The following TXNRD3 variants were observed in gnomAD, a reference collection of about 807,000 sequenced individuals.
The protein encoded by TXNRD3 is thioredoxin reductase 3, also known as TXNRD3 neighbor gene protein.
TXNRD3 carries 68 observed loss-of-function variants against 78.2 expected under a neutral mutation model. The ratio of observed to expected loss-of-function variants is 0.87; its 90% CI spans 0.72 to 1.06. TXNRD3 has a LOEUF of 1.06. Among genes scored for constraint, TXNRD3 ranks in the 50% least tolerant of loss-of-function variants. The pLI is 0.00. For missense variants in TXNRD3, 751 were observed against 809.5 expected, an observed-to-expected ratio of 0.93 and a Z score of 0.88; for synonymous variants, 296 against 300.1, an observed-to-expected ratio of 0.99 and a Z score of 0.14.
At chr3:126,613,577 A>G (rs1318749537) in intron 13 of TXNRD3, among the ~76,000 whole-genome samples, 9 of 152,232 alleles carry the variant, frequency 5.9e-5, no homozygotes. Context: ...CATGTGTTGC[A>G]AAACAATGCT....
chr3:126,622,502 T>G lies in TXNRD3; in HGVS notation c.1329A>C (p.Lys443Asn). Reference sequence around the variant, plus strand: ...TGACACCAATCTTCTCCAAGCCTATTTTCCTTGTACAGGAGTCACGACCAA... The same window carrying G: ...TGACACCAATCTTCTCCAAGCCTATGTTCCTTGTACAGGAGTCACGACCAA... The change falls in exon 11 of 16, where the codon AAA (lysine) becomes AAC (asparagine). Residue 443 changes from lysine (K) to asparagine (N), a missense_variant. Transcript: ENST00000524230. 1 of 1,535,708 alleles carries G rather than the reference T, an allele frequency of 6.5e-7. No individual in the cohort carries two copies. Among genetic ancestry groups the G allele is most frequent in the Non-Finnish European group, 8.7e-7 (1 of 1,146,778 alleles).
chr3:126,622,663 A>G, intron 10 of TXNRD3, 123 bp from the exon 11 acceptor site: 1 of 707,174 alleles, frequency 1.4e-6, no homozygotes, highest in South Asian at 2.1e-5. Context: ...ATCTATGCCA[A>G]TAAAGCTGAC....
chr3:126,633,975 A>G lies in TXNRD3; in HGVS notation c.789T>C (p.Ser263=), dbSNP rs752484752. The change falls in exon 7 of 16, where the codon TCT becomes TCC. Residue 263 remains serine (S), a synonymous_variant. Coordinates refer to ENST00000524230, the MANE Select transcript of TXNRD3 (RefSeq NM_052883.3). ...CATAGGCCACAGCCTTTTCCCTCAG[A>G]GACAACCTGTAGCCCCAGTTTAGAG... 11 of 1,524,394 alleles carry G rather than the reference A, an allele frequency of 7.2e-6. No individual in the cohort carries two copies. Among genetic ancestry groups the G allele is most frequent in the Non-Finnish European group, 9.6e-6 (11 of 1,139,976 alleles). 94.4% of individuals were successfully genotyped at this position (1,524,394 alleles called of 1,614,324 possible). A position where few individuals can be genotyped will look rare whatever the true frequency, so the allele number is the denominator to read the frequency against.
intron 6 of TXNRD3, among the ~76,000 whole-genome samples, chr3:126,637,496 TATTTAC>T (rs1156604229): frequency 6.6e-5 from 10 of 152,202 alleles, no homozygotes; most frequent in African/African-American, 2.2e-4. Context: ...CCACTGATAT[TATTTAC>T]ATTTTCCTGC....
chr3:126,648,826 A>G (rs113326050), intron 1 of TXNRD3, among the ~76,000 whole-genome samples: 2 of 152,324 alleles, frequency 1.3e-5, no homozygotes, highest in African/African-American at 4.8e-5. Context: ...ACAAGCAACA[A>G]AAGAAACAAC....
At chr3:126,615,095 T>C (rs942654173) in intron 13 of TXNRD3, among the ~76,000 whole-genome samples, 4 of 152,174 alleles carry the variant, frequency 2.6e-5, no homozygotes, top group African/African-American at 9.7e-5. Context: ...TTGTACAAGT[T>C]TGCTCAAATA....
intron 2 of TXNRD3, among the ~76,000 whole-genome samples, chr3:126,646,426 C>A (rs1933235283): frequency 6.6e-6 from 1 of 152,168 alleles, no homozygotes; most frequent in African/African-American, 2.4e-5. Context: ...TCTACTGATT[C>A]CTTCAAAGAT....
At chr3:126,609,070 A>G in intron 14 of TXNRD3, 1 of 319,038 alleles carries the variant, frequency 3.1e-6, no homozygotes, top group South Asian at 2.6e-5. Flanking sequence ...GACAAAGGAG[A>G]GGCTGGTGCA....
chr3:126,639,918 T>A (rs1362200730), intron 6 of TXNRD3, among the ~76,000 whole-genome samples: 2 of 151,844 alleles, frequency 1.3e-5, no homozygotes, highest in Non-Finnish European at 2.9e-5. Flanking sequence ...TGAAAGCAAA[T>A]AAAACTACCC....
rs1938085749 is a variant in TXNRD3, at chr3:126,607,863, G to A, written c.*42C>T. On this transcript the variant is annotated 3_prime_UTR_variant, in exon 16 of 16. Coordinates refer to ENST00000524230, the MANE Select transcript of TXNRD3 (RefSeq NM_052883.3). ...TATCCGAGAGCATTCTTATCTTTGA[G>A]AGAAATGAGAATATGACAAGGAGAA... 6 of 1,440,546 alleles carry A rather than the reference G, an allele frequency of 4.2e-6. No individual in the cohort carries two copies. The highest frequency in any genetic ancestry group is 5.6e-6 in the Non-Finnish European group (6 of 1,073,286). The allele number at this position is 1,440,546 out of a possible 1,614,324, so 89.2% of individuals were successfully genotyped here.
intron 6 of TXNRD3, among the ~76,000 whole-genome samples, chr3:126,636,714 G>T (rs957819778): frequency 6.6e-6 from 1 of 152,000 alleles, no homozygotes; most frequent in Non-Finnish European, 1.5e-5. Flanking sequence ...ACCTCTATGG[G>T]GTATAGTTTT....
Position 126,607,529 on chromosome 3 carries a change from C to A in TXNRD3, c.*376G>T. On this transcript the variant is annotated 3_prime_UTR_variant, in exon 16 of 16. Transcript: ENST00000524230. Reference sequence around the variant, plus strand: ...AACTGAAAATATATTTTCACAGAAACAACAAAGCAAAGGGGATAAAAACAA... The same window carrying A: ...AACTGAAAATATATTTTCACAGAAAAAACAAAGCAAAGGGGATAAAAACAA... 1 of 164,200 alleles carries A rather than the reference C, an allele frequency of 6.1e-6. No individual in the cohort carries two copies. Among genetic ancestry groups the A allele is most frequent in the Non-Finnish European group, 1.3e-5 (1 of 76,174 alleles). 10.2% of individuals were successfully genotyped at this position (164,200 alleles called of 1,614,324 possible).
intron 9 of TXNRD3, 69 bp from the exon 10 acceptor site, chr3:126,629,540 C>T: frequency 1.7e-6 from 2 of 1,202,192 alleles, no homozygotes; most frequent in East Asian, 2.6e-5. Context: ...AAAGGGTCTA[C>T]ACCGGTATGT....
chr3:126,613,224 A>C (rs1206618981), intron 13 of TXNRD3, among the ~76,000 whole-genome samples: 1 of 150,946 alleles, frequency 6.6e-6, no homozygotes, highest in Non-Finnish European at 1.5e-5. Context: ...CTATGTTTCT[A>C]AATAACATGC....
chr3:126,653,705 T>A (rs978088127), intron 1 of TXNRD3, among the ~76,000 whole-genome samples: 2 of 152,222 alleles, frequency 1.3e-5, no homozygotes, highest in Non-Finnish European at 2.9e-5. Flanking sequence ...AAGATACCTA[T>A]TCTAGAGTTA....
At chr3:126,610,988 A>G in intron 14 of TXNRD3, 49 bp downstream of exon 14, 1 of 1,144,638 alleles carries the variant, frequency 8.7e-7, no homozygotes. Context: ...TAAAAATAAA[A>G]GCTACATTTA....
chr3:126,654,822 G>A lies in TXNRD3; in HGVS notation c.169C>T (p.Arg57Cys), dbSNP rs1933474757. The A allele has an allele frequency of 2.1e-6, 3 of 1,407,550 alleles. No homozygotes were observed. The highest frequency in any genetic ancestry group is 3.2e-5 in the East Asian group (1 of 31,742). The allele number at this position is 1,407,550 out of a possible 1,614,324, so 87.2% of individuals were successfully genotyped here. A position where few individuals can be genotyped will look rare whatever the true frequency, so the allele number is the denominator to read the frequency against. ...CGCTCGATGAGGCCCACGAGGTGGC[G>A]GCGCAGCTCCTCGCGGGCCTCGGAC... is the stretch of plus-strand genomic sequence containing the variant. The change falls in exon 1 of 16, where the codon CGC (arginine) becomes TGC (cysteine). Residue 57 changes from arginine to cysteine, a missense_variant. By Grantham distance (180) the Arg-to-Cys change is radical (BLOSUM62 -3). Coordinates refer to ENST00000524230, the MANE Select transcript of TXNRD3 (RefSeq NM_052883.3).
In TXNRD3 at chr3:126,630,573, G is replaced by T. The variant is rs543546132; in HGVS notation, c.1197+139C>A. 1.2e-5 allele frequency: 11 copies of T among 880,244 alleles called. 1 individual carries two copies. In the South Asian group the frequency reaches 1.7e-4, roughly 14 times the overall value. 54.5% of individuals were successfully genotyped at this position (880,244 alleles called of 1,614,324 possible). A position where few individuals can be genotyped will look rare whatever the true frequency, so the allele number is the denominator to read the frequency against. On this transcript the variant is annotated intron_variant, in intron 9 of 15. Coordinates refer to ENST00000524230, the MANE Select transcript of TXNRD3 (RefSeq NM_052883.3). ...GAAGAGGGGACGAGGGGGAAAATGG[G>T]GTTGGCTCTGTAGACTTGGGAGTGG...
chr3:126,649,602 T>C (rs545744941), intron 1 of TXNRD3, among the ~76,000 whole-genome samples: 38 of 152,294 alleles, frequency 2.5e-4, no homozygotes, highest in African/African-American at 8.2e-4. Flanking sequence ...CAAGTGACCA[T>C]TGACAGATAA....
Sources: gnomAD v4.1 joint callset for allele counts (sites outside exome capture counted in the v4.1 genomes callset) on GRCh38, gnomAD v4.1.1 for gene constraint, MANE v1.5 for transcripts, NCBI Gene and HGNC (gene_info 2026-07-23, HGNC 2026-07-21) for gene names.